The following HECW2 variants were observed in gnomAD, a reference collection of about 807,000 sequenced individuals.
HECW2 encodes the protein E3 ubiquitin-protein ligase HECW2.
HECW2 carries 61 observed loss-of-function variants against 175.2 expected under a neutral mutation model. The observed-to-expected ratio is 0.35, with a 90% confidence interval of 0.28 to 0.43. The LOEUF is 0.43. HECW2 is among the 20% of genes least tolerant of loss of function. HECW2 has a pLI of 1.00. For synonymous variants in HECW2, 671 were observed against 731.0 expected, an observed-to-expected ratio of 0.92 and a Z score of 1.32; for missense variants, 1,524 against 2,000.5, an observed-to-expected ratio of 0.76 and a Z score of 4.54.
intron 21 of HECW2, among the ~76,000 whole-genome samples, chr2:196,228,893 C>G (rs1467260529): frequency 2.0e-5 from 3 of 152,100 alleles, no homozygotes; most frequent in Non-Finnish European, 4.4e-5. Flanking sequence ...CTAAGGAAGG[C>G]ATTTGGAGAA....
At chr2:196,546,989 G>A (rs916270140) in intron 1 of HECW2, among the ~76,000 whole-genome samples, 10 of 152,152 alleles carry the variant, frequency 6.6e-5, no homozygotes, top group African/African-American at 2.4e-4. Context: ...GGGAAAGTAT[G>A]ACAGCCACTG....
At chr2:196,545,180 C>T (rs1559168822) in intron 1 of HECW2, among the ~76,000 whole-genome samples, 1 of 152,148 alleles carries the variant, frequency 6.6e-6, no homozygotes, top group Non-Finnish European at 1.5e-5. Flanking sequence ...AAATCTACTC[C>T]CTCTTACGAA....
At chr2:196,400,013 G>C (rs1450072203) in intron 2 of HECW2, among the ~76,000 whole-genome samples, 1 of 152,094 alleles carries the variant, frequency 6.6e-6, no homozygotes. Context: ...ATTAATAACT[G>C]GGTGCCTGCT....
chr2:196,245,449 A>T (rs991778821), intron 19 of HECW2, among the ~76,000 whole-genome samples: 1 of 152,204 alleles, frequency 6.6e-6, no homozygotes, highest in African/African-American at 2.4e-5. Flanking sequence ...GGACAAGGGC[A>T]TGTGAAACTT....
At chr2:196,528,106 G>GGTGGTA (rs1424358659) in intron 1 of HECW2, among the ~76,000 whole-genome samples, 18 of 152,138 alleles carry the variant, frequency 1.2e-4, no homozygotes, top group Admixed American at 1.2e-3. Flanking sequence ...CAACTGTAAT[G>GGTGGTA]GTGGTAGTAA....
intron 2 of HECW2, among the ~76,000 whole-genome samples, chr2:196,416,547 T>C (rs542447743): frequency 9.2e-5 from 14 of 152,284 alleles, no homozygotes; most frequent in African/African-American, 2.9e-4. Context: ...ATCAGATTCA[T>C]GTTCAGTGGG....
chr2:196,508,355 C>T (rs1366222580), intron 1 of HECW2, among the ~76,000 whole-genome samples: 1 of 152,156 alleles, frequency 6.6e-6, no homozygotes, highest in Admixed American at 6.5e-5. Flanking sequence ...CCATCTTTCC[C>T]TGTGGTGCAG....
At chr2:196,476,366 C>T (rs1686615234) in intron 1 of HECW2, among the ~76,000 whole-genome samples, 1 of 151,682 alleles carries the variant, frequency 6.6e-6, no homozygotes, top group Admixed American at 6.6e-5. Context: ...TCACTTGAAC[C>T]CAGGAGGCAA....
At chr2:196,241,130 G>C (rs1389334527) in intron 20 of HECW2, among the ~76,000 whole-genome samples, 3 of 152,192 alleles carry the variant, frequency 2.0e-5, no homozygotes, top group African/African-American at 7.2e-5. Flanking sequence ...GAGTGTGGCA[G>C]GTTAATCTAC....
intron 1 of HECW2, among the ~76,000 whole-genome samples, chr2:196,483,333 A>G (rs1686905382): frequency 6.6e-6 from 1 of 152,196 alleles, no homozygotes; most frequent in Admixed American, 6.5e-5. Flanking sequence ...AGAATTATAC[A>G]ACTCCTTGAA....
At position 196,317,219 on chromosome 2, in the gene HECW2, C is replaced by T; in HGVS notation, c.2434+55G>A. On this transcript the variant is annotated intron_variant, in intron 10 of 28. Transcript: ENST00000644978. ...TTGAGACTCATGGGAATGGGTCTGC[C>T]TGTCACCTTTCACCGTTTGATTAAG... 3.0e-6 allele frequency: 4 copies of T among 1,330,230 alleles called. No homozygotes were observed. The South Asian group carries it at 4.9e-5, about 16-fold the overall frequency. The allele number at this position is 1,330,230 out of a possible 1,614,324, so 82.4% of individuals were successfully genotyped here. A position where few individuals can be genotyped will look rare whatever the true frequency, so the allele number is the denominator to read the frequency against.
Position 196,194,907 on chromosome 2 carries a change from A to T in HECW2, c.*6370T>A, listed in dbSNP as rs1440443425. 1 of 152,206 alleles carries T rather than the reference A, an allele frequency of 6.6e-6. No homozygotes were observed. Among genetic ancestry groups the T allele is most frequent in the African/African-American group, 2.4e-5 (1 of 41,456 alleles). 9.4% of individuals were successfully genotyped at this position (152,206 alleles called of 1,614,324 possible). Reference sequence around the variant, plus strand: ...CACCTGTGTTCTACTGAAATCTTAGAAATAATTTTTTTACAGAGCCTTAAT... The same window carrying T: ...CACCTGTGTTCTACTGAAATCTTAGTAATAATTTTTTTACAGAGCCTTAAT... On this transcript the variant is annotated 3_prime_UTR_variant, in exon 29 of 29. Transcript: ENST00000644978.
At chr2:196,362,759 T>C (rs1693633195) in intron 2 of HECW2, among the ~76,000 whole-genome samples, 1 of 152,106 alleles carries the variant, frequency 6.6e-6, no homozygotes, top group South Asian at 2.1e-4. Flanking sequence ...GGTAGGGAAA[T>C]CCCCAGTCCA....
chr2:196,468,352 A>C (rs1250465240), intron 1 of HECW2, among the ~76,000 whole-genome samples: 1 of 152,158 alleles, frequency 6.6e-6, no homozygotes, highest in African/African-American at 2.4e-5. Context: ...TTAATCTCTC[A>C]CTGGTAAAGC....
chr2:196,551,871 A>G (rs908892512), intron 1 of HECW2, among the ~76,000 whole-genome samples: 1 of 152,168 alleles, frequency 6.6e-6, no homozygotes, highest in Non-Finnish European at 1.5e-5. Context: ...ATTTGCCTGG[A>G]GCTCTCCTCT....
chr2:196,308,248 A>G (rs1226783275), intron 10 of HECW2, 163 bp from the exon 11 acceptor site: 1 of 448,298 alleles, frequency 2.2e-6, no homozygotes, highest in East Asian at 3.3e-5. Context: ...AGTTCACTCC[A>G]GAATCTGTTG....
chr2:196,233,231 T>C (rs1393066351), intron 21 of HECW2, among the ~76,000 whole-genome samples: 2 of 152,200 alleles, frequency 1.3e-5, no homozygotes, highest in East Asian at 1.9e-4. Flanking sequence ...GACGGGTGTG[T>C]AGCCGCACAA....
At chr2:196,364,093 C>T (rs148846535) in intron 2 of HECW2, among the ~76,000 whole-genome samples, 182 of 152,256 alleles carry the variant, frequency 1.2e-3, no homozygotes, top group African/African-American at 4.1e-3. Context: ...TCACTCACTC[C>T]CTGGTCTCTG....
rs117940137 is a variant in HECW2 at position 196,332,083 on chromosome 2, G to A, written c.495+2341C>T. Among the ~76,000 whole-genome samples, 25 of 152,220 alleles carry A rather than the reference G, an allele frequency of 1.6e-4. No individual in the cohort carries two copies. The East Asian group carries it at 4.8e-3, about 29-fold the overall frequency. The stretch of plus-strand genomic sequence containing the variant: ...ATGACAATGAAAACAAAATACAAAT[G>A]ACAGAGAGGTCCCCCTTTTTTTTTT... On this transcript the variant is annotated intron_variant, in intron 4 of 28. Transcript: ENST00000644978.
Sources: allele counts gnomAD v4.1 joint callset (sites outside exome capture counted in the v4.1 genomes callset), GRCh38; gene constraint gnomAD v4.1.1; transcripts MANE v1.5; gene names NCBI Gene and HGNC (gene_info 2026-07-23, HGNC 2026-07-21).